The following CEACAM20 variants were observed in gnomAD, a reference collection of about 807,000 sequenced individuals.
The protein encoded by CEACAM20 is cell adhesion molecule CEACAM20.
CEACAM20 carries 50 observed loss-of-function variants against 61.2 expected under a neutral mutation model. That is an observed-to-expected ratio of 0.82 (90% CI 0.65 to 1.03). The LOEUF (loss-of-function observed/expected upper bound fraction) is 1.03. Among genes scored for constraint, CEACAM20 ranks in the 50% least tolerant of loss-of-function variants. The pLI is 0.00. For synonymous variants in CEACAM20, 282 were observed against 287.7 expected (o/e 0.98, Z 0.20); for missense variants, 683 against 736.4 (o/e 0.93, Z 0.84).
In CEACAM20 at chr19:44,516,999, G is replaced by T; in HGVS notation, c.1256C>A (p.Ser419Tyr). 6.3e-7 allele frequency: 1 copy of T among 1,598,022 alleles called. No homozygotes were observed. The highest frequency in any genetic ancestry group is 8.5e-7 in the Non-Finnish European group (1 of 1,172,642). Residue 419 changes from serine (S) to tyrosine (Y), a missense_variant, in exon 6 of 12, where the codon TCC (serine) becomes TAC (tyrosine). Physicochemically the swap from Ser to Tyr is moderately radical, Grantham distance 144. Transcript: ENST00000614924. ...EHDGIYNCTASNSLTGLARST... is the reference protein window; with the variant it reads ...EHDGIYNCTAYNSLTGLARST... Reference sequence around the variant, plus strand: ...GCGGGCCAGGCCAGTGAGAGAGTTGGAGGCTGTGCAGTTGTAGATCCCGTC... The same window carrying T: ...GCGGGCCAGGCCAGTGAGAGAGTTGTAGGCTGTGCAGTTGTAGATCCCGTC...
Position 44,520,689 on chromosome 19 carries a change from A to G in CEACAM20, c.815T>C (p.Val272Ala). The change falls in exon 5 of 12, where the codon GTG (valine) becomes GCG (alanine). Residue 272 changes from valine (V) to alanine (A), a missense_variant. Coordinates refer to ENST00000614924, the MANE Select transcript of CEACAM20 (RefSeq NM_001102597.3). ...SLNLVENARS[V>A]DLTCQTVNQS... is the part of the protein sequence containing the mutation. ...ATTGACGGTTTGGCAGGTCAGGTCC[A>G]CAGACCTAGCATTCTCCACAAGGTT... 9 of 1,614,006 alleles carry G rather than the reference A, an allele frequency of 5.6e-6. No individual in the cohort carries two copies. Among genetic ancestry groups the G allele is most frequent in the Non-Finnish European group, 4.2e-6 (5 of 1,179,872 alleles).
In CEACAM20 at chr19:44,520,712, G is replaced by T; in HGVS notation, c.792C>A (p.Asn264Lys). ...CCACAGACCTAGCATTCTCCACAAG[G>T]TTCAGGCTTGAAGGCACGACTTGAG... ...TMPQVVPSSL[N>K]LVENARSVDL... The change falls in exon 5 of 12, where the codon AAC becomes AAA. Residue 264 changes from asparagine (N) to lysine (K), a missense_variant. Coordinates refer to ENST00000614924, the MANE Select transcript of CEACAM20 (RefSeq NM_001102597.3). 1 of 1,613,944 alleles carries T rather than the reference G, an allele frequency of 6.2e-7. No homozygotes were observed.
intron 5 of CEACAM20, among the ~76,000 whole-genome samples, chr19:44,520,271 A>T (rs1568454529): frequency 6.6e-6 from 1 of 152,138 alleles, no homozygotes; most frequent in Non-Finnish European, 1.5e-5. Flanking sequence ...AAGCCTTATC[A>T]CCTGCTTCTC....
intron 4 of CEACAM20, 89 bp downstream of exon 4, chr19:44,522,545 C>T (rs924971587): frequency 7.1e-7 from 1 of 1,401,466 alleles, no homozygotes; most frequent in Non-Finnish European, 9.7e-7. Context: ...ATCCAAAGGC[C>T]CTGGATTAAG....
chr19:44,513,081 G>C (rs1356530158), intron 7 of CEACAM20, 91 bp downstream of exon 7: 21 of 1,303,292 alleles, frequency 1.6e-5, no homozygotes, highest in Non-Finnish European at 2.2e-5. Context: ...TGCCAGACAA[G>C]ACTCAGCACC....
chr19:44,520,324 G>C (rs768894132), intron 5 of CEACAM20, 150 bp downstream of exon 5: 1 of 1,017,272 alleles, frequency 9.8e-7, no homozygotes, highest in Non-Finnish European at 1.4e-6. Context: ...AGCCCCCTGA[G>C]GGCAGGCACT....
chr19:44,523,866 T>G, intron 3 of CEACAM20, 120 bp downstream of exon 3: 1 of 1,088,580 alleles, frequency 9.2e-7, no homozygotes, highest in East Asian at 2.6e-5. Flanking sequence ...AACAGTTATA[T>G]GTCTGAAGTT....
chr19:44,516,750 A>G (rs1971166714), intron 6 of CEACAM20, among the ~76,000 whole-genome samples, 196 bp downstream of exon 6: 1 of 152,236 alleles, frequency 6.6e-6, no homozygotes, highest in African/African-American at 2.4e-5. Flanking sequence ...TTTTCCAGGG[A>G]ACACAGCAGG....
chr19:44,506,675 G>T (rs543104193), intron 11 of CEACAM20, among the ~76,000 whole-genome samples: 1 of 152,344 alleles, frequency 6.6e-6, no homozygotes, highest in Admixed American at 6.5e-5. Flanking sequence ...ACCTCCAGCT[G>T]ACAGTAAGAA....
At position 44,520,529 on chromosome 19, in the gene CEACAM20, C is replaced by T. The variant is rs1599679775; in HGVS notation, c.975G>A (p.Glu325=). 6.2e-7 allele frequency: 1 copy of T among 1,613,974 alleles called. No individual in the cohort carries two copies. The change falls in exon 5 of 12, where the codon GAG becomes GAA. Residue 325 remains glutamate (E), a synonymous_variant. Transcript: ENST00000614924. ...QRNDTGPYAC[E]VWNWGSRARS... is the part of the protein sequence containing the mutation. ...GGGCCCGGCTGCCCCAGTTCCAGAC[C>T]TCACAGGCATAGGGCCCGGTGTCAT...
chr19:44,510,547 G>GGAAAGAAAGAAAGAAAGAAAGAAA (rs770702249), intron 11 of CEACAM20, among the ~76,000 whole-genome samples: 1 of 52,770 alleles, frequency 1.9e-5, no homozygotes, highest in Non-Finnish European at 3.7e-5. Context: ...AAGGAAGGAA[G>GGAAAGAAAGAAAGAAAGAAAGAAA]GAAAGAAAGA....
intron 5 of CEACAM20, 62 bp downstream of exon 5, chr19:44,520,412 A>G: frequency 2.6e-6 from 4 of 1,563,758 alleles, no homozygotes. Context: ...ACTAGAAGGA[A>G]GAACTTAAAG....
At chr19:44,525,338 T>C (rs894179687) in intron 1 of CEACAM20, 94 bp from the exon 2 acceptor site, 5 of 1,245,868 alleles carry the variant, frequency 4.0e-6, no homozygotes, top group Admixed American at 5.6e-5. Flanking sequence ...TCTGAGGCCA[T>C]AGGACTGGCA....
chr19:44,513,752 T>C (rs1971078781), intron 6 of CEACAM20, among the ~76,000 whole-genome samples: 1 of 152,166 alleles, frequency 6.6e-6, no homozygotes, highest in African/African-American at 2.4e-5. Flanking sequence ...CAGTCTGTGG[T>C]ATTAACAGCA....
At chr19:44,510,439 G>C (rs1363817404) in intron 11 of CEACAM20, among the ~76,000 whole-genome samples, 1 of 151,590 alleles carries the variant, frequency 6.6e-6, no homozygotes, top group African/African-American at 2.4e-5. Context: ...CTTGAACCTG[G>C]GAGGCAGAGG....
intron 11 of CEACAM20, among the ~76,000 whole-genome samples, chr19:44,509,521 T>C (rs55738255): frequency 0.14 from 21,549 of 151,932 alleles, 1,644 homozygotes; most frequent in East Asian, 0.21. Context: ...ATGGAATGAC[T>C]TGAAAAGAAG....
chr19:44,516,527 CTT>C (rs1248533829), intron 6 of CEACAM20, among the ~76,000 whole-genome samples: 1 of 152,202 alleles, frequency 6.6e-6, no homozygotes, highest in Non-Finnish European at 1.5e-5. Flanking sequence ...CTCATTCTCT[CTT>C]GTCTGCCACC....
chr19:44,529,381 C>T (rs1191013680), intron 1 of CEACAM20, 77 bp downstream of exon 1: 3 of 1,302,066 alleles, frequency 2.3e-6, no homozygotes, highest in African/African-American at 3.0e-5. Flanking sequence ...CACACACACA[C>T]ACACACACAC....
intron 1 of CEACAM20, among the ~76,000 whole-genome samples, chr19:44,528,733 T>C (rs1000440087): frequency 6.6e-6 from 1 of 152,014 alleles, no homozygotes; most frequent in Non-Finnish European, 1.5e-5. Context: ...TCTCTGTTTA[T>C]GTCTCCTTCT....
Sources: gnomAD v4.1 joint callset for allele counts (sites outside exome capture counted in the v4.1 genomes callset) on GRCh38, gnomAD v4.1.1 for gene constraint, MANE v1.5 for transcripts, NCBI Gene and HGNC (gene_info 2026-07-23, HGNC 2026-07-21) for gene names.